Variants in SV2B observed in about 807,000 individuals in gnomAD.
SV2B encodes solute carrier family 22 member B2.
SV2B carries 41 observed loss-of-function variants against 73.9 expected under a neutral mutation model. The ratio of observed to expected loss-of-function variants is 0.56; its 90% CI spans 0.43 to 0.72. The LOEUF is 0.72. SV2B is among the 30% of genes least tolerant of loss of function. SV2B has a pLI of 0.00. For synonymous variants in SV2B, 314 were observed against 314.2 expected, an observed-to-expected ratio of 1.00 and a Z score of 0.01; for missense variants, 764 against 857.8, an observed-to-expected ratio of 0.89 and a Z score of 1.37.
intron 1 of SV2B, among the ~76,000 whole-genome samples, chr15:91,207,128 C>T (rs1256913795): frequency 6.6e-6 from 1 of 151,584 alleles, no homozygotes; most frequent in Non-Finnish European, 1.5e-5. Flanking sequence ...CTCCAGTGAT[C>T]CTCCCTCCTC....
Position 91,288,684 on chromosome 15 carries a change from T to C in SV2B, c.1709-837T>C, listed in dbSNP as rs2048943223. ...CCTTCCTTCCTTCCTTCTTTTTCTC[T>C]TTCTTCTTTTTTTGACAGTGTCTTG... On this transcript the variant is annotated intron_variant, in intron 11 of 12. Transcript: ENST00000394232. The surrounding 1 kb of genome is among the most constrained non-coding windows in gnomAD (Gnocchi z 5.8). Among the ~76,000 whole-genome samples, 1 of 151,842 alleles carries C rather than the reference T, an allele frequency of 6.6e-6. No homozygotes were observed. Among genetic ancestry groups the C allele is most frequent in the South Asian group, 2.1e-4 (1 of 4,810 alleles).
Position 91,232,402 on chromosome 15 carries a change from C to T in SV2B, c.451+5688C>T, listed in dbSNP as rs1052071252. Among the ~76,000 whole-genome samples, 3 of 152,168 alleles carry T rather than the reference C, an allele frequency of 2.0e-5. No individual in the cohort carries two copies. Among genetic ancestry groups the T allele is most frequent in the East Asian group, 1.9e-4 (1 of 5,194 alleles). Reference sequence around the variant, plus strand: ...TAAAATGAAGGGCTCCCTTAGCAGACGTACACGGATTGCTGTGTTTAGGAG... The same window carrying T: ...TAAAATGAAGGGCTCCCTTAGCAGATGTACACGGATTGCTGTGTTTAGGAG... On this transcript the variant is annotated intron_variant, in intron 2 of 12. Transcript: ENST00000394232. This position sits in a 1 kb window ranked among gnomAD's most constrained non-coding sequence, Gnocchi z 4.7.
Position 91,278,665 on chromosome 15 carries a change from C to G in SV2B, c.1374-3063C>G, listed in dbSNP as rs1472639695. Among the ~76,000 whole-genome samples the G allele has an allele frequency of 2.3e-5, 2 of 85,618 alleles. 1 individual carries two copies. Among genetic ancestry groups the G allele is most frequent in the Non-Finnish European group, 4.3e-5 (2 of 46,754 alleles). The allele number at this position is 85,618 out of a possible 152,430, so 56.2% of individuals were successfully genotyped here. On this transcript the variant is annotated intron_variant, in intron 9 of 12. Coordinates refer to ENST00000394232, the MANE Select transcript of SV2B (RefSeq NM_001323032.3). ...CTGCAGTCCGGCCTGGGCGACAGAG[C>G]GAGACTCCGTCTCAAAAAAAAAAAA...
At chr15:91,274,209 C>G (rs528373216) in intron 9 of SV2B, among the ~76,000 whole-genome samples, 1 of 152,060 alleles carries the variant, frequency 6.6e-6, no homozygotes, top group East Asian at 1.9e-4. Context: ...AGGCTATGTA[C>G]CTAGAAGAGG....
rs1256545868 is a variant in SV2B, at chr15:91,297,105, A to C, written c.*4553A>C. On this transcript the variant is annotated 3_prime_UTR_variant, in exon 13 of 13. Coordinates refer to ENST00000394232, the MANE Select transcript of SV2B (RefSeq NM_001323032.3). The surrounding 1 kb of genome is among the most constrained non-coding windows in gnomAD (Gnocchi z 5.1). ...ACGCTCCTTCTGCCTGATCGTTGGG[A>C]GCACGCTCCTTCTGCCTGATTGTTG... 6 of 141,066 alleles carry C rather than the reference A, an allele frequency of 4.3e-5. No homozygotes were observed. The highest frequency in any genetic ancestry group is 4.2e-4 in the South Asian group (2 of 4,776). The allele number at this position is 141,066 out of a possible 1,614,324, so 8.7% of individuals were successfully genotyped here.
chr15:91,250,748 CAAAG>C (rs1405274803), intron 2 of SV2B, among the ~76,000 whole-genome samples: 2 of 152,014 alleles, frequency 1.3e-5, no homozygotes, highest in Admixed American at 1.3e-4. Flanking sequence ...TGAATTTAAT[CAAAG>C]AAATGAAAGG....
At chr15:91,210,290 C>G (rs1429169956) in intron 1 of SV2B, among the ~76,000 whole-genome samples, 1 of 151,900 alleles carries the variant, frequency 6.6e-6, no homozygotes, top group African/African-American at 2.4e-5. Flanking sequence ...GACTGACAGT[C>G]TATGAGGTGG....
chr15:91,113,315 A>G (rs1215507844), intron 1 of SV2B, among the ~76,000 whole-genome samples: 2 of 152,164 alleles, frequency 1.3e-5, no homozygotes, highest in African/African-American at 2.4e-5. Flanking sequence ...CTTTTCATCT[A>G]TTGGCTGCCC....
At chr15:91,244,174 A>C (rs11637499) in intron 2 of SV2B, among the ~76,000 whole-genome samples, 22,673 of 152,216 alleles carry the variant, frequency 0.15, 1,753 homozygotes, top group Non-Finnish European at 0.18. Context: ...TCATCTGTTA[A>C]ATGAAGCCAT....
rs148610142 is a variant in SV2B, at chr15:91,125,928, G to A, written c.-392+25565G>A. On this transcript the variant is annotated intron_variant, in intron 1 of 12. Coordinates refer to ENST00000394232, the MANE Select transcript of SV2B (RefSeq NM_001323032.3). ...ACTGAATATATTGGTAACAATAATG[G>A]TGGTGGTGATGATGATGATGATGAT... Among the ~76,000 whole-genome samples, 19 of 152,182 alleles carry A rather than the reference G, an allele frequency of 1.2e-4. No homozygotes were observed. The East Asian group carries it at 3.7e-3, about 29-fold the overall frequency.
At chr15:91,180,619 C>T (rs2044513371) in intron 1 of SV2B, among the ~76,000 whole-genome samples, 1 of 152,076 alleles carries the variant, frequency 6.6e-6, no homozygotes, top group African/African-American at 2.4e-5. Context: ...TCTAAACTTC[C>T]CTTCTCGCTT....
At chr15:91,212,256 T>C (rs868785138) in intron 1 of SV2B, among the ~76,000 whole-genome samples, 12 of 152,178 alleles carry the variant, frequency 7.9e-5, no homozygotes, top group African/African-American at 2.9e-4. Context: ...CCAGAAAACT[T>C]GCTCTCTTTC....
In SV2B at chr15:91,170,872, A is replaced by G. The variant is rs138195120; in HGVS notation, c.-391-55001A>G. Among the ~76,000 whole-genome samples the G allele has an allele frequency of 5.4e-3, 815 of 151,984 alleles. 4 individuals carry two copies. Among genetic ancestry groups the G allele is most frequent in the Middle Eastern group, 0.027 (8 of 292 alleles). Reference sequence around the variant, plus strand: ...TTAGGTTTTTTTTTTTAGGTGGCTGACTGTGAAGTTTGAATAACGTGTATC... The same window carrying G: ...TTAGGTTTTTTTTTTTAGGTGGCTGGCTGTGAAGTTTGAATAACGTGTATC... On this transcript the variant is annotated intron_variant, in intron 1 of 12. Coordinates refer to ENST00000394232, the MANE Select transcript of SV2B (RefSeq NM_001323032.3).
rs918234139 is a variant in SV2B at position 91,297,619 on chromosome 15, A to C, written c.*5067A>C. On this transcript the variant is annotated 3_prime_UTR_variant, in exon 13 of 13. Transcript: ENST00000394232. The surrounding 1 kb of genome is among the most constrained non-coding windows in gnomAD (Gnocchi z 5.1). ...AAGCCATATTTTGAGTAGCACTGAC[A>C]CTCTTCCAATAGGTGGTACTTTGAC... 6.6e-6 allele frequency: 1 copy of C among 151,942 alleles called. No individual in the cohort carries two copies. The highest frequency in any genetic ancestry group is 1.5e-5 in the Non-Finnish European group (1 of 67,986). 9.4% of individuals were successfully genotyped at this position (151,942 alleles called of 1,614,324 possible). A position where few individuals can be genotyped will look rare whatever the true frequency, so the allele number is the denominator to read the frequency against.
chr15:91,138,604 C>CT (rs967770734), intron 1 of SV2B, among the ~76,000 whole-genome samples: 7 of 151,868 alleles, frequency 4.6e-5, no homozygotes, highest in Non-Finnish European at 5.9e-5. Flanking sequence ...TGGGTACAGA[C>CT]TTTTTTTTCT....
intron 1 of SV2B, among the ~76,000 whole-genome samples, chr15:91,138,925 G>A (rs116685164): frequency 7.7e-4 from 117 of 152,272 alleles, no homozygotes; most frequent in African/African-American, 2.7e-3. Context: ...ATTAAAGAAA[G>A]TGATATCAAC....
intron 1 of SV2B, among the ~76,000 whole-genome samples, chr15:91,157,819 TCC>T (rs2043543452): frequency 6.6e-6 from 1 of 152,172 alleles, no homozygotes; most frequent in Non-Finnish European, 1.5e-5. Context: ...TTCAGTGTCT[TCC>T]ACCACCTGAG....
chr15:91,105,085 A>G lies in SV2B; in HGVS notation c.-392+4722A>G, dbSNP rs2041845769. ...TGTATGTATCTTTAGATAATCATTC[A>G]TTCACTAAATAAATATTTATTGAGT... On this transcript the variant is annotated intron_variant, in intron 1 of 12. Coordinates refer to ENST00000394232, the MANE Select transcript of SV2B (RefSeq NM_001323032.3). The surrounding 1 kb of genome is among the most constrained non-coding windows in gnomAD (Gnocchi z 5.5). Among the ~76,000 whole-genome samples, 1 of 152,220 alleles carries G rather than the reference A, an allele frequency of 6.6e-6. No individual in the cohort carries two copies. Among genetic ancestry groups the G allele is most frequent in the Non-Finnish European group, 1.5e-5 (1 of 68,042 alleles).
chr15:91,263,771 T>G (rs922706864), intron 6 of SV2B, among the ~76,000 whole-genome samples: 12 of 152,180 alleles, frequency 7.9e-5, no homozygotes, highest in African/African-American at 2.9e-4. Flanking sequence ...CCCGAACATT[T>G]GTGAACAGAG....
Sources: gnomAD v4.1 joint callset for allele counts (sites outside exome capture counted in the v4.1 genomes callset) on GRCh38, gnomAD v4.1.1 for gene constraint, Gnocchi (gnomAD v3.1) non-coding constraint, MANE v1.5 for transcripts, NCBI Gene and HGNC (gene_info 2026-07-23, HGNC 2026-07-21) for gene names.